ST7: variants seen among roughly 807,000 people sequenced by gnomAD.
The protein encoded by ST7 is suppressor of tumorigenicity 7 protein.
A neutral mutation model predicts 78.7 loss-of-function variants in ST7; 28 were observed. The observed-to-expected ratio is 0.36, with a 90% CI of 0.26 to 0.49. The LOEUF (loss-of-function observed/expected upper bound fraction) is 0.49, where lower values mean the gene tolerates loss of function less well. Ranked by LOEUF, ST7 falls within the 20% of genes least tolerant of loss-of-function variation. ST7 has a pLI of 0.99. For synonymous variants in ST7, 247 were observed against 249.6 expected (o/e 0.99, Z 0.10); for missense variants, 418 against 696.0 (o/e 0.60, Z 4.49).
chr7:117,179,088 A>G (rs1205412811), intron 10 of ST7, among the ~76,000 whole-genome samples: 1 of 152,200 alleles, frequency 6.6e-6, no homozygotes, highest in Non-Finnish European at 1.5e-5. Context: ...CATCGAGATT[A>G]GAGCACCAAC....
chr7:117,170,721 C>G, intron 9 of ST7, 141 bp from the exon 10 acceptor site: 1 of 295,552 alleles, frequency 3.4e-6, no homozygotes, highest in Non-Finnish European at 6.1e-6. Flanking sequence ...TCTTAAAATG[C>G]TTAACTCTAG....
intron 1 of ST7, among the ~76,000 whole-genome samples, chr7:117,071,860 T>C (rs1362694203): frequency 6.6e-6 from 1 of 152,254 alleles, no homozygotes; most frequent in Non-Finnish European, 1.5e-5. Flanking sequence ...GGCAGCAATT[T>C]ATTTTCCACT....
chr7:117,162,342 A>T (rs1807225461), intron 9 of ST7, among the ~76,000 whole-genome samples: 2 of 152,036 alleles, frequency 1.3e-5, no homozygotes, highest in Admixed American at 6.5e-5. Context: ...AGGGGGAAAA[A>T]ATAAAACTGC....
At chr7:117,152,743 T>C (rs761533799) in intron 9 of ST7, among the ~76,000 whole-genome samples, 49 of 152,162 alleles carry the variant, frequency 3.2e-4, no homozygotes, top group Non-Finnish European at 5.0e-4. Context: ...ATCCAGAGTT[T>C]ATGCATTAAT....
intron 1 of ST7, among the ~76,000 whole-genome samples, chr7:117,021,432 A>G (rs1795908680): frequency 1.3e-5 from 2 of 152,228 alleles, no homozygotes; most frequent in Non-Finnish European, 2.9e-5. Flanking sequence ...ACAGTTAAGA[A>G]TTTCTAAGAG....
intron 3 of ST7, among the ~76,000 whole-genome samples, chr7:117,122,170 C>G (rs917976434): frequency 6.6e-6 from 1 of 152,102 alleles, no homozygotes; most frequent in African/African-American, 2.4e-5. Flanking sequence ...TCATGAGAAA[C>G]ATGGCATGTT....
intron 10 of ST7, 62 bp from the exon 11 acceptor site, chr7:117,189,259 G>T: frequency 8.3e-7 from 1 of 1,208,744 alleles, no homozygotes. Context: ...CTAGTGTATT[G>T]AAAATGATTG....
rs770190798 is a variant in ST7 at position 117,221,980 on chromosome 7, C to T, written c.1556C>T (p.Thr519Ile). Residue 519 changes from threonine to isoleucine, a missense_variant, in exon 15 of 16, where the codon ACT becomes ATT. Thr to Ile is a moderately conservative substitution (Grantham distance 89). Around this residue, in one of 4 missense-constraint regions of ST7, gnomAD observed 288 missense variants for 537.1 expected, o/e 0.54. Transcript: ENST00000323984. ...KKELPFFILF[T>I]AGLCSFTAML... ...GAGCTTCCCTTCTTTATTCTCTTTA[C>T]TGCTGGATTATGTTCCTTCACAGCC... The T allele has an allele frequency of 6.2e-7, 1 of 1,613,304 alleles. No individual in the cohort carries two copies. The highest frequency in any genetic ancestry group is 1.7e-5 in the Admixed American group (1 of 59,940).
chr7:116,959,325 C>A (rs1292917566), intron 1 of ST7: 1 of 465,170 alleles, frequency 2.1e-6, no homozygotes, highest in South Asian at 1.6e-5. Flanking sequence ...GGCATGCCTG[C>A]AGTTACTTTA....
intron 1 of ST7, among the ~76,000 whole-genome samples, chr7:117,089,086 A>G (rs1038310494): frequency 3.3e-5 from 5 of 152,252 alleles, no homozygotes; most frequent in Non-Finnish European, 1.5e-5. Context: ...CTTCTCAAGG[A>G]AACATTCCTT....
intron 1 of ST7, among the ~76,000 whole-genome samples, chr7:117,050,704 G>A (rs984872128): frequency 1.3e-5 from 2 of 152,178 alleles, no homozygotes; most frequent in African/African-American, 4.8e-5. Flanking sequence ...GCCGAGGCGA[G>A]TGGATCACGA....
intron 1 of ST7, among the ~76,000 whole-genome samples, chr7:117,064,880 C>G (rs1000916147): frequency 6.6e-6 from 1 of 152,092 alleles, no homozygotes; most frequent in African/African-American, 2.4e-5. Flanking sequence ...TACAGGCCAT[C>G]GTATATTGAA....
intron 1 of ST7, among the ~76,000 whole-genome samples, chr7:117,082,494 A>G (rs1169789176): frequency 6.6e-6 from 1 of 152,234 alleles, no homozygotes; most frequent in Non-Finnish European, 1.5e-5. Context: ...TAGGATTTTT[A>G]TAAAGTTTCG....
intron 1 of ST7, among the ~76,000 whole-genome samples, chr7:116,985,525 A>G (rs1269869683): frequency 4.0e-5 from 6 of 150,842 alleles, no homozygotes; most frequent in Non-Finnish European, 7.3e-5. Flanking sequence ...CAAAAAATAT[A>G]AAGCAATTTT....
chr7:117,226,860 G>C (rs1424554593), intron 15 of ST7, among the ~76,000 whole-genome samples: 2 of 152,112 alleles, frequency 1.3e-5, no homozygotes, highest in Non-Finnish European at 2.9e-5. Context: ...TAGATAGGAG[G>C]GATAGAAGCA....
rs990374725 is a variant in ST7 at position 116,996,249 on chromosome 7, T to C, written c.151+42558T>C. On this transcript the variant is annotated intron_variant, in intron 1 of 15. Coordinates refer to ENST00000323984, the MANE Select transcript of ST7 (RefSeq NM_001369598.1). Reference sequence around the variant, plus strand: ...GGCATGTGCCACCACACCCGGCTAATTTTTTGTATTTTTAGTAGAGATGGG... The same window carrying C: ...GGCATGTGCCACCACACCCGGCTAACTTTTTGTATTTTTAGTAGAGATGGG... 1.2e-4 allele frequency among the ~76,000 whole-genome samples: 19 copies of C among 152,028 alleles called. 1 individual carries two copies. Among genetic ancestry groups the C allele is most frequent in the African/African-American group, 4.6e-4 (19 of 41,366 alleles).
At chr7:116,986,098 G>T (rs1256102964) in intron 1 of ST7, among the ~76,000 whole-genome samples, 1 of 152,252 alleles carries the variant, frequency 6.6e-6, no homozygotes, top group Non-Finnish European at 1.5e-5. Flanking sequence ...CTCCCAAAGT[G>T]CTGGGACTAC....
At chr7:117,071,270 C>T (rs543292846) in intron 1 of ST7, among the ~76,000 whole-genome samples, 1 of 152,196 alleles carries the variant, frequency 6.6e-6, no homozygotes, top group South Asian at 2.1e-4. Context: ...TCTAAAAGCT[C>T]CATCTTTAAA....
At chr7:116,994,979 G>A (rs1310592103) in intron 1 of ST7, among the ~76,000 whole-genome samples, 1 of 152,044 alleles carries the variant, frequency 6.6e-6, no homozygotes, top group Non-Finnish European at 1.5e-5. Flanking sequence ...TGTCTTGCAT[G>A]CCTCTGTATT....
Sources: allele counts gnomAD v4.1 joint callset (sites outside exome capture counted in the v4.1 genomes callset), GRCh38; gene constraint gnomAD v4.1.1; regional missense constraint gnomAD v4.1.1; transcripts MANE v1.5; gene names NCBI Gene and HGNC (gene_info 2026-07-23, HGNC 2026-07-21).